CHST10: variants seen among roughly 807,000 people sequenced by gnomAD.
CHST10 encodes HNK-1 sulfotransferase.
In CHST10, 24 loss-of-function variants were observed where a neutral mutation model predicts 34.7. The ratio of observed to expected loss-of-function variants is 0.69; its 90% CI spans 0.50 to 0.97. The LOEUF is 0.97. Among genes scored for constraint, CHST10 ranks in the 50% least tolerant of loss-of-function variants. The pLI is 0.00. For missense variants in CHST10, 402 were observed against 452.1 expected, an observed-to-expected ratio of 0.89 and a Z score of 1.00; for synonymous variants, 161 against 169.3, an observed-to-expected ratio of 0.95 and a Z score of 0.38.
intron 4 of CHST10, among the ~76,000 whole-genome samples, chr2:100,398,343 G>A (rs756909593): frequency 3.9e-5 from 6 of 152,090 alleles, no homozygotes; most frequent in African/African-American, 7.2e-5. Flanking sequence ...CAGCCCGATC[G>A]GCAGGCTGGG....
chr2:100,398,434 A>G (rs1002143476), intron 4 of CHST10, among the ~76,000 whole-genome samples: 3 of 152,194 alleles, frequency 2.0e-5, no homozygotes, highest in African/African-American at 7.2e-5. Context: ...GGCCGGGCAC[A>G]GTGGCTCATG....
intron 4 of CHST10, 98 bp downstream of exon 4, chr2:100,402,466 C>A: frequency 2.3e-6 from 2 of 879,654 alleles, no homozygotes; most frequent in Non-Finnish European, 1.9e-6. Flanking sequence ...CTAACGCAGA[C>A]GTGATGACAA....
chr2:100,408,684 A>G (rs71413879), intron 2 of CHST10: 1 of 152,122 alleles, frequency 6.6e-6, no homozygotes, highest in South Asian at 2.1e-4. Context: ...AGAGAAAAAA[A>G]CAAGACACAC....
intron 2 of CHST10, 121 bp downstream of exon 2, chr2:100,414,920 A>C: frequency 1.9e-6 from 1 of 540,090 alleles, no homozygotes; most frequent in Non-Finnish European, 2.9e-6. Flanking sequence ...AAACGTTTCT[A>C]AGCACACATT....
chr2:100,402,523 C>T (rs769940734), intron 4 of CHST10, 41 bp downstream of exon 4: 26 of 1,553,664 alleles, frequency 1.7e-5, no homozygotes, highest in Non-Finnish European at 2.2e-5. Context: ...ACAAGGGTGC[C>T]GTGTTCAAGA....
At chr2:100,417,037 G>A (rs1290946724) in intron 1 of CHST10, 3 of 1,304,060 alleles carry the variant, frequency 2.3e-6, no homozygotes, top group Non-Finnish European at 3.0e-6. Context: ...CATGCTCCTT[G>A]GACCCAAGCT....
rs967985623 is a variant in CHST10 at position 100,393,116 on chromosome 2, A to G, written c.*129T>C. On this transcript the variant is annotated 3_prime_UTR_variant, in exon 7 of 7. Transcript: ENST00000264249. ...TGCGTCATATGCCGAGGCAACTCAC[A>G]GGCCTGTGGGAGACCCCGGGCGTCC... 4 of 942,310 alleles carry G rather than the reference A, an allele frequency of 4.2e-6. No individual in the cohort carries two copies. In the African/African-American group the frequency reaches 6.7e-5, roughly 16 times the overall value. The allele number at this position is 942,310 out of a possible 1,614,324, so 58.4% of individuals were successfully genotyped here.
intron 2 of CHST10, among the ~76,000 whole-genome samples, chr2:100,412,245 T>A (rs1247581002): frequency 1.3e-5 from 2 of 152,142 alleles, no homozygotes; most frequent in Non-Finnish European, 2.9e-5. Context: ...GTGCTCCACA[T>A]CCCATCATCT....
rs1297454918 is a variant in CHST10 at position 100,417,622 on chromosome 2, C to T, written c.-352G>A. The T allele has an allele frequency of 3.3e-5, 5 of 151,130 alleles. No individual in the cohort carries two copies. The highest frequency in any genetic ancestry group is 6.8e-3 in the Middle Eastern group (2 of 292). 9.4% of individuals were successfully genotyped at this position (151,130 alleles called of 1,614,324 possible). A position where few individuals can be genotyped will look rare whatever the true frequency, so the allele number is the denominator to read the frequency against. On this transcript the variant is annotated 5_prime_UTR_variant, in exon 1 of 7. The change creates a new upstream start codon in the 5' untranslated region. Coordinates refer to ENST00000264249, the MANE Select transcript of CHST10 (RefSeq NM_004854.5). The stretch of plus-strand genomic sequence containing the variant: ...GGCTTTGGGGGCCAGAACGCCGGCA[C>T]CGCCTCACGCGGCCCCCTCGCGCCT...
At chr2:100,403,238 G>C (rs1177322228) in intron 3 of CHST10, among the ~76,000 whole-genome samples, 2 of 152,174 alleles carry the variant, frequency 1.3e-5, no homozygotes, top group Non-Finnish European at 1.5e-5. Flanking sequence ...CCCTCAAGCG[G>C]CTCAGAACCA....
intron 3 of CHST10, among the ~76,000 whole-genome samples, chr2:100,404,331 C>T (rs1675472831): frequency 6.6e-6 from 1 of 152,152 alleles, no homozygotes. Flanking sequence ...TGACCCAGCA[C>T]CCACACACCA....
chr2:100,414,959 C>T, intron 2 of CHST10, 82 bp downstream of exon 2: 1 of 951,048 alleles, frequency 1.1e-6, no homozygotes, highest in Non-Finnish European at 1.4e-6. Context: ...AGTTTACAAT[C>T]TGCACAGGCA....
intron 3 of CHST10, 132 bp from the exon 4 acceptor site, chr2:100,402,787 T>C (rs1007910511): frequency 4.3e-6 from 3 of 705,028 alleles, no homozygotes. Context: ...ATAAAAGCCA[T>C]TCAGCGGAGG....
intron 5 of CHST10, among the ~76,000 whole-genome samples, chr2:100,396,135 C>T (rs1182024301): frequency 1.3e-5 from 2 of 152,200 alleles, no homozygotes; most frequent in African/African-American, 4.8e-5. Flanking sequence ...CTCTCAGGTA[C>T]CCCAGCAGCA....
At chr2:100,398,196 C>A (rs868547604) in intron 4 of CHST10, 54 bp from the exon 5 acceptor site, 2 of 1,367,018 alleles carry the variant, frequency 1.5e-6, no homozygotes, top group Non-Finnish European at 1.0e-6. Context: ...GAGGCAGGAC[C>A]GGGCCAAGCA....
chr2:100,416,193 C>T (rs1037350585), intron 1 of CHST10: 1 of 152,176 alleles, frequency 6.6e-6, no homozygotes, highest in East Asian at 1.9e-4. Flanking sequence ...CCACCTCTCT[C>T]CCCTGTTTCT....
chr2:100,405,742 G>A (rs1466190394), intron 3 of CHST10, among the ~76,000 whole-genome samples: 1 of 152,242 alleles, frequency 6.6e-6, no homozygotes, highest in Non-Finnish European at 1.5e-5. Context: ...TCAGCCTAAA[G>A]GAATGGGCCA....
At chr2:100,395,478 C>T (rs982805347) in intron 6 of CHST10, 31 bp downstream of exon 6, 3 of 1,582,290 alleles carry the variant, frequency 1.9e-6, no homozygotes, top group Non-Finnish European at 2.6e-6. Flanking sequence ...TACAAAAACT[C>T]CCCCCTCCCC....
intron 5 of CHST10, among the ~76,000 whole-genome samples, chr2:100,397,437 TAA>T (rs920658197): frequency 1.3e-5 from 2 of 152,088 alleles, no homozygotes; most frequent in African/African-American, 4.8e-5. Flanking sequence ...GGTCTGCAGG[TAA>T]AGAGGCTCCA....
Sources: allele counts gnomAD v4.1 joint callset (sites outside exome capture counted in the v4.1 genomes callset), GRCh38; gene constraint gnomAD v4.1.1; transcripts MANE v1.5; gene names NCBI Gene and HGNC (gene_info 2026-07-23, HGNC 2026-07-21).